PTK6: variants seen among roughly 807,000 people sequenced by gnomAD.
PTK6 encodes protein tyrosine kinase 6.
In PTK6, 47 loss-of-function variants were observed where a neutral mutation model predicts 47.5. The observed-to-expected ratio is 0.99, with a 90% CI of 0.78 to 1.26. The LOEUF is 1.26. Among genes scored for constraint, PTK6 ranks in the 50% most tolerant of loss-of-function variants. The pLI is 0.00. For missense variants in PTK6, 618 were observed against 625.3 expected (o/e 0.99, Z 0.12); for synonymous variants, 287 against 276.5 (o/e 1.04, Z -0.38).
Position 63,528,063 on chromosome 20 carries a change from T to C in PTK6, c.*1473A>G, listed in dbSNP as rs1476127032. 6.6e-6 allele frequency: 1 copy of C among 152,276 alleles called. No homozygotes were observed. The highest frequency in any genetic ancestry group is 2.4e-5 in the African/African-American group (1 of 41,480). 9.4% of individuals were successfully genotyped at this position (152,276 alleles called of 1,614,324 possible). A position where few individuals can be genotyped will look rare whatever the true frequency, so the allele number is the denominator to read the frequency against. On this transcript the variant is annotated 3_prime_UTR_variant, in exon 8 of 8. Coordinates refer to ENST00000542869, the MANE Select transcript of PTK6 (RefSeq NM_005975.4). ...GTTGGCAAGGAAACTTGGTTATTTC[T>C]GTGGCATGCAGCATTTTAATGTAAT...
In PTK6 at chr20:63,534,237, G is replaced by A. The variant is rs750376707; in HGVS notation, c.431C>T (p.Ser144Phe). ...CACAAGCTCGGGCAGGCTGAGGAAG[G>A]ACACCGCCTCGTTCAGGTGCAGCCG... ...GGRLHLNEAV[S>F]FLSLPELVNY... Residue 144 changes from serine to phenylalanine, a missense_variant, in exon 3 of 8, where the codon TCC becomes TTC. Coordinates refer to ENST00000542869, the MANE Select transcript of PTK6 (RefSeq NM_005975.4). 4 of 1,605,770 alleles carry A rather than the reference G, an allele frequency of 2.5e-6. No individual in the cohort carries two copies. The highest frequency in any genetic ancestry group is 3.4e-6 in the Non-Finnish European group (4 of 1,177,344).
Position 63,533,544 on chromosome 20 carries a change from C to T in PTK6, c.670+7G>A. On this transcript the variant is annotated splice_region_variant and intron_variant, in intron 4 of 7. Coordinates refer to ENST00000542869, the MANE Select transcript of PTK6 (RefSeq NM_005975.4). This position sits in a 1 kb window ranked among gnomAD's most constrained non-coding sequence, Gnocchi z 4.0. ...GCCACACAGAGCCCTGATCGGGGCC[C>T]ACTCACCTCGAGAAATCACCTTAAT... 1.2e-6 allele frequency: 2 copies of T among 1,601,534 alleles called. No individual in the cohort carries two copies. The highest frequency in any genetic ancestry group is 1.7e-6 in the Non-Finnish European group (2 of 1,172,164).
chr20:63,534,897 GC>G lies in PTK6; in HGVS notation c.352+40del, dbSNP rs748178781. The G allele has an allele frequency of 5.6e-5, 88 of 1,562,252 alleles. No individual in the cohort carries two copies. In the East Asian group the frequency reaches 2.0e-3, roughly 35 times the overall value. On this transcript the variant is annotated intron_variant, in intron 2 of 7. Coordinates refer to ENST00000542869, the MANE Select transcript of PTK6 (RefSeq NM_005975.4). ...TGGCTGGGAGGGCTTAGAGCCAGGA[GC>G]CCCCGCAGGCAAGCACAGGCTCGGA...
At position 63,529,557 on chromosome 20, in the gene PTK6, G is replaced by A; in HGVS notation, c.1335C>T (p.Thr445=). Residue 445 remains threonine (T), a synonymous_variant, in exon 8 of 8, where the codon ACC becomes ACT. Coordinates refer to ENST00000542869, the MANE Select transcript of PTK6 (RefSeq NM_005975.4). The surrounding 1 kb of genome is among the most constrained non-coding windows in gnomAD (Gnocchi z 5.6). ...CAGCTCAGGTCGGGTTCTCGTAGCT[G>A]GTGAAGCTGGAGAGCCTCTCCCGCA... The part of the protein sequence containing the change: ...KALRERLSSF[T]SYENPT The A allele has an allele frequency of 6.4e-7, 1 of 1,573,048 alleles. No individual in the cohort carries two copies. The highest frequency in any genetic ancestry group is 8.6e-7 in the Non-Finnish European group (1 of 1,159,314).
Position 63,528,142 on chromosome 20 carries a change from G to C in PTK6, c.*1394C>G, listed in dbSNP as rs1338559555. ...CCAGATTTCTAGGAATAGCATGTGA[G>C]ATAGGATATATATCATAGGATAACG... is the stretch of plus-strand genomic sequence containing the variant. On this transcript the variant is annotated 3_prime_UTR_variant, in exon 8 of 8. Transcript: ENST00000542869. The C allele has an allele frequency of 1.3e-5, 2 of 152,290 alleles. No homozygotes were observed. Among genetic ancestry groups the C allele is most frequent in the East Asian group, 1.9e-4 (1 of 5,186 alleles). The allele number at this position is 152,290 out of a possible 1,614,324, so 9.4% of individuals were successfully genotyped here.
Position 63,530,031 on chromosome 20 carries a change from C to T in PTK6, c.1168+47G>A, listed in dbSNP as rs753988738. 1.9e-6 allele frequency: 3 copies of T among 1,605,658 alleles called. 1 individual carries two copies. The South Asian group carries it at 3.3e-5, about 18-fold the overall frequency. ...CGTCCCTGCCGGCTACCCAGGACCT[C>T]CCCCACTCTGCCTCTCATGCCCAGT... is the stretch of plus-strand genomic sequence containing the variant. On this transcript the variant is annotated intron_variant, in intron 7 of 7. Coordinates refer to ENST00000542869, the MANE Select transcript of PTK6 (RefSeq NM_005975.4). The surrounding 1 kb of genome is among the most constrained non-coding windows in gnomAD (Gnocchi z 4.1).
At chr20:63,534,495 G>T (rs2082649185) in intron 2 of PTK6, among the ~76,000 whole-genome samples, 180 bp from the exon 3 acceptor site, 1 of 152,160 alleles carries the variant, frequency 6.6e-6, no homozygotes, top group Non-Finnish European at 1.5e-5. Flanking sequence ...GCACGCTCTG[G>T]CCAAGCTCTC....
chr20:63,534,339 G>A (rs768919365), intron 2 of PTK6, 24 bp from the exon 3 acceptor site: 2 of 1,577,282 alleles, frequency 1.3e-6, no homozygotes, highest in Non-Finnish European at 1.7e-6. Flanking sequence ...CGTGAGCTGT[G>A]TGGCCACCCC....
intron 5 of PTK6, 43 bp downstream of exon 5, chr20:63,532,483 G>A (rs1458205318): frequency 1.3e-6 from 2 of 1,571,412 alleles, no homozygotes; most frequent in Admixed American, 3.5e-5. Context: ...TTCCTCACGT[G>A]CCCCCGCTGC....
At chr20:63,532,177 C>G (rs529109262) in intron 5 of PTK6, among the ~76,000 whole-genome samples, 19,405 of 144,718 alleles carry the variant, frequency 0.13, 3,978 homozygotes, top group African/African-American at 0.45. Context: ...GTGTGTGTGT[C>G]TGTGTGTGTC....
rs371541793 is a variant in PTK6, at chr20:63,533,701, C to T, written c.520G>A (p.Glu174Lys). 9.9e-6 allele frequency: 16 copies of T among 1,611,424 alleles called. No individual in the cohort carries two copies. The highest frequency in any genetic ancestry group is 8.4e-5 in the Admixed American group (5 of 59,590). ...LRLAAPCRKH[E>K]PEPLPHWDDW... ...TCCCAATGGGGCAGGGGCTCAGGCTCGTGCTGGAGGAAGAGTCGGGGACAC... is the reference window on the plus strand; with the variant it reads ...TCCCAATGGGGCAGGGGCTCAGGCTTGTGCTGGAGGAAGAGTCGGGGACAC... The change falls in exon 4 of 8, where the codon GAG becomes AAG. Residue 174 changes from glutamate to lysine, a missense_variant. Transcript: ENST00000542869. The surrounding 1 kb of genome is among the most constrained non-coding windows in gnomAD (Gnocchi z 4.0).
chr20:63,537,019 C>T lies in PTK6; in HGVS notation c.230+66G>A, dbSNP rs1024052741. 21 of 1,492,842 alleles carry T rather than the reference C, an allele frequency of 1.4e-5. No individual in the cohort carries two copies. In the African/African-American group the frequency reaches 2.5e-4, roughly 18 times the overall value. 92.5% of individuals were successfully genotyped at this position (1,492,842 alleles called of 1,614,324 possible). On this transcript the variant is annotated intron_variant, in intron 1 of 7. Transcript: ENST00000542869. ...TTGGGCCTCCCTGAGCAGCCCAGAG[C>T]CCTGTCCCTCCCCTGTGCCTAGAGG...
intron 5 of PTK6, among the ~76,000 whole-genome samples, chr20:63,532,274 G>GTTT (rs2082628486): frequency 6.6e-6 from 1 of 151,120 alleles, no homozygotes; most frequent in African/African-American, 2.4e-5. Context: ...GTGTATGTCT[G>GTTT]TGTGTGTCAT....
chr20:63,534,395 C>T (rs1197373098), intron 2 of PTK6, 80 bp from the exon 3 acceptor site: 15 of 1,463,192 alleles, frequency 1.0e-5, no homozygotes, highest in South Asian at 4.1e-5. Flanking sequence ...GCCACACCTG[C>T]GCAGAGTTTC....
Position 63,528,762 on chromosome 20 carries a change from C to G in PTK6, c.*774G>C, listed in dbSNP as rs1600929937. Reference sequence around the variant, plus strand: ...CTTTCAGGTGAGTCAAAACCAAAACCAATAAGCTTTTTATGACTTAACCAT... The same window carrying G: ...CTTTCAGGTGAGTCAAAACCAAAACGAATAAGCTTTTTATGACTTAACCAT... On this transcript the variant is annotated 3_prime_UTR_variant, in exon 8 of 8. Transcript: ENST00000542869. The G allele has an allele frequency of 6.6e-6, 1 of 152,104 alleles. No individual in the cohort carries two copies. Among genetic ancestry groups the G allele is most frequent in the East Asian group, 1.9e-4 (1 of 5,192 alleles). 9.4% of individuals were successfully genotyped at this position (152,104 alleles called of 1,614,324 possible).
chr20:63,528,092 C>A lies in PTK6; in HGVS notation c.*1444G>T, dbSNP rs184463965. The A allele has an allele frequency of 6.6e-6, 1 of 152,246 alleles. No homozygotes were observed. Among genetic ancestry groups the A allele is most frequent in the East Asian group, 1.9e-4 (1 of 5,190 alleles). 9.4% of individuals were successfully genotyped at this position (152,246 alleles called of 1,614,324 possible). A position where few individuals can be genotyped will look rare whatever the true frequency, so the allele number is the denominator to read the frequency against. ...GCATGCAGCATTTTAATGTAATAAC[C>A]AAAATTATGACTGATAACATTGCAC... On this transcript the variant is annotated 3_prime_UTR_variant, in exon 8 of 8. Transcript: ENST00000542869.
At chr20:63,534,016 G>A in intron 3 of PTK6, 136 bp downstream of exon 3, 1 of 1,254,200 alleles carries the variant, frequency 8.0e-7, no homozygotes. Flanking sequence ...AGAACCATGG[G>A]CTTCCCTCCA....
chr20:63,534,498 A>G (rs1290346770), intron 2 of PTK6, among the ~76,000 whole-genome samples, 183 bp from the exon 3 acceptor site: 1 of 152,094 alleles, frequency 6.6e-6, no homozygotes, highest in African/African-American at 2.4e-5. Flanking sequence ...CGCTCTGGCC[A>G]AGCTCTCTGG....
rs769407411 is a variant in PTK6 at position 63,535,075 on chromosome 20, C to CA, written c.231-17_231-16insT. 20 of 1,585,438 alleles carry CA rather than the reference C, an allele frequency of 1.3e-5. No homozygotes were observed. Among genetic ancestry groups the CA allele is most frequent in the Non-Finnish European group, 1.7e-5 (20 of 1,159,824 alleles). ...AAAGAACCACCTGCAGGGGAGGAGT[C>CA]TGAGAACACGCGGACCTGGGCCCAC... On this transcript the variant is annotated splice_polypyrimidine_tract_variant and intron_variant, in intron 1 of 7. Transcript: ENST00000542869.
Sources: gnomAD v4.1 joint callset for allele counts (sites outside exome capture counted in the v4.1 genomes callset) on GRCh38, gnomAD v4.1.1 for gene constraint, Gnocchi (gnomAD v3.1) non-coding constraint, MANE v1.5 for transcripts, NCBI Gene and HGNC (gene_info 2026-07-23, HGNC 2026-07-21) for gene names.